KCNMB2: variants seen among roughly 807,000 people sequenced by gnomAD.
KCNMB2 encodes the protein potassium calcium-activated channel subfamily M regulatory beta subunit 2.
In KCNMB2, 9 loss-of-function variants were observed where a neutral mutation model predicts 24.5. That is an observed-to-expected ratio of 0.37 (90% CI 0.22 to 0.64). KCNMB2 has a LOEUF of 0.64. KCNMB2 is among the 30% of genes least tolerant of loss of function. The probability of loss-of-function intolerance (pLI) is 0.63; values close to 1 mark genes in which losing one functional copy is unlikely to be tolerated. For missense variants in KCNMB2, 226 were observed against 284.3 expected (o/e 0.79, Z 1.47); for synonymous variants, 109 against 104.4 (o/e 1.04, Z -0.27).
At chr3:178,803,126 C>T (rs1443227957) in intron 1 of KCNMB2, among the ~76,000 whole-genome samples, 1 of 152,112 alleles carries the variant, frequency 6.6e-6, no homozygotes, top group East Asian at 1.9e-4. Context: ...ATTATTATTC[C>T]CATTTTTACA....
chr3:178,792,606 C>T (rs1305738631), intron 1 of KCNMB2, among the ~76,000 whole-genome samples: 1 of 151,904 alleles, frequency 6.6e-6, no homozygotes, highest in East Asian at 1.9e-4. Context: ...TGAACATCTT[C>T]AATCAAAAGA....
intron 1 of KCNMB2, among the ~76,000 whole-genome samples, chr3:178,587,216 C>T (rs1365437451): frequency 6.6e-6 from 1 of 152,002 alleles, no homozygotes; most frequent in Admixed American, 6.6e-5. Flanking sequence ...CTACATTTTC[C>T]AATCTACTAG....
At chr3:178,613,131 C>T (rs1485037295) in intron 1 of KCNMB2, among the ~76,000 whole-genome samples, 1 of 152,176 alleles carries the variant, frequency 6.6e-6, no homozygotes, top group African/African-American at 2.4e-5. Context: ...AGAGCAGTGG[C>T]TCATGCCTGT....
At chr3:178,838,884 T>A (rs1715328451) in intron 4 of KCNMB2, among the ~76,000 whole-genome samples, 1 of 152,170 alleles carries the variant, frequency 6.6e-6, no homozygotes, top group Non-Finnish European at 1.5e-5. Context: ...AATTGGTAAA[T>A]GACAGTAAGA....
chr3:178,705,479 G>A (rs949638017), intron 1 of KCNMB2, among the ~76,000 whole-genome samples: 4 of 152,050 alleles, frequency 2.6e-5, no homozygotes, highest in African/African-American at 9.7e-5. Flanking sequence ...TTGTTTCATT[G>A]TCTATCTTCA....
intron 1 of KCNMB2, among the ~76,000 whole-genome samples, chr3:178,561,116 C>A (rs932273965): frequency 4.6e-5 from 7 of 152,160 alleles, no homozygotes; most frequent in Non-Finnish European, 8.8e-5. Flanking sequence ...AATGAAAACT[C>A]TTTTCTCTAA....
intron 1 of KCNMB2, among the ~76,000 whole-genome samples, chr3:178,804,970 C>T (rs1577201645): frequency 6.6e-6 from 1 of 152,210 alleles, no homozygotes; most frequent in South Asian, 2.1e-4. Context: ...GATGTAGTCC[C>T]TATTCTATTT....
chr3:178,554,503 A>G (rs1426595214), intron 1 of KCNMB2, among the ~76,000 whole-genome samples: 1 of 152,232 alleles, frequency 6.6e-6, no homozygotes. Context: ...TTCTCTTACC[A>G]GTGTCACCTA....
At chr3:178,545,609 C>T (rs936828105) in intron 1 of KCNMB2, among the ~76,000 whole-genome samples, 1 of 152,128 alleles carries the variant, frequency 6.6e-6, no homozygotes, top group Non-Finnish European at 1.5e-5. Flanking sequence ...AAATCTTGCT[C>T]GTGAGATAAT....
At chr3:178,782,270 T>A (rs1365833854) in intron 1 of KCNMB2, among the ~76,000 whole-genome samples, 1 of 119,898 alleles carries the variant, frequency 8.3e-6, no homozygotes, top group East Asian at 2.5e-4. Flanking sequence ...TGTGTCTTTA[T>A]AGCAGCATGA....
At chr3:178,660,327 G>T (rs908348847) in intron 1 of KCNMB2, among the ~76,000 whole-genome samples, 4 of 152,056 alleles carry the variant, frequency 2.6e-5, no homozygotes, top group Non-Finnish European at 5.9e-5. Context: ...TTATTATTAC[G>T]AATATTCCCT....
chr3:178,816,882 C>A (rs1044628366), intron 2 of KCNMB2, among the ~76,000 whole-genome samples: 9 of 152,046 alleles, frequency 5.9e-5, no homozygotes, highest in Admixed American at 3.9e-4. Flanking sequence ...GGTTATAACA[C>A]CCTCACTTAT....
chr3:178,729,383 G>C (rs1456465173), intron 1 of KCNMB2: 8 of 152,112 alleles, frequency 5.3e-5, no homozygotes, highest in African/African-American at 1.9e-4. Flanking sequence ...TCCAGAATCA[G>C]GTTCAGCAAC....
intron 1 of KCNMB2, among the ~76,000 whole-genome samples, chr3:178,657,537 T>C (rs952478561): frequency 8.5e-5 from 13 of 152,260 alleles, no homozygotes; most frequent in African/African-American, 2.9e-4. Context: ...TGATGTTACA[T>C]AGCAAGCTTA....
intron 1 of KCNMB2, among the ~76,000 whole-genome samples, chr3:178,644,347 A>G (rs1323295506): frequency 6.6e-6 from 1 of 152,214 alleles, no homozygotes; most frequent in African/African-American, 2.4e-5. Context: ...GGAGAGGGCC[A>G]GGTGGGGAAG....
At chr3:178,647,484 C>T (rs955971754) in intron 1 of KCNMB2, among the ~76,000 whole-genome samples, 6 of 152,138 alleles carry the variant, frequency 3.9e-5, no homozygotes, top group African/African-American at 1.2e-4. Context: ...TCATAATAAC[C>T]TGAGTTAAAA....
At position 178,617,383 on chromosome 3, in the gene KCNMB2, C is replaced by A. The variant is rs1218644588; in HGVS notation, c.-68+80672C>A. ...ACCATCCTGGCTAACATGGTGAAAC[C>A]GAATCTCTACTAAAAATACAAAACA... On this transcript the variant is annotated intron_variant, in intron 1 of 4. Coordinates refer to ENST00000452583, the MANE Select transcript of KCNMB2 (RefSeq NM_181361.3). Among the ~76,000 whole-genome samples the A allele has an allele frequency of 3.3e-5, 5 of 150,418 alleles. 1 individual carries two copies. The highest frequency in any genetic ancestry group is 3.3e-4 in the Admixed American group (5 of 15,062).
At chr3:178,545,734 T>C (rs528353105) in intron 1 of KCNMB2, among the ~76,000 whole-genome samples, 24 of 152,102 alleles carry the variant, frequency 1.6e-4, no homozygotes, top group Non-Finnish European at 1.2e-4. Flanking sequence ...TCTATTTCTG[T>C]AGAAATTCTG....
chr3:178,538,736 T>G (rs1715490192), intron 1 of KCNMB2, among the ~76,000 whole-genome samples: 1 of 152,210 alleles, frequency 6.6e-6, no homozygotes, highest in Admixed American at 6.5e-5. Flanking sequence ...GTCTGAACTG[T>G]ATGCCCACAA....
Sources: gnomAD v4.1 joint callset for allele counts (sites outside exome capture counted in the v4.1 genomes callset) on GRCh38, gnomAD v4.1.1 for gene constraint, MANE v1.5 for transcripts, NCBI Gene and HGNC (gene_info 2026-07-23, HGNC 2026-07-21) for gene names.